The following MYOCD variants were observed in gnomAD, a reference collection of about 807,000 sequenced individuals.
MYOCD encodes myocardin.
In MYOCD, 32 loss-of-function variants were observed where a neutral mutation model predicts 96.1. The observed-to-expected ratio is 0.33, with a 90% CI of 0.25 to 0.45. MYOCD has a LOEUF of 0.45. MYOCD is among the 20% of genes least tolerant of loss of function. The pLI, the probability that MYOCD is intolerant of heterozygous loss-of-function variation, is 1.00. For missense variants in MYOCD, 1,133 were observed against 1,200.6 expected (o/e 0.94, Z 0.83); for synonymous variants, 469 against 469.0 (o/e 1.00, Z 0.00).
chr17:12,721,258 T>C (rs926321731), intron 4 of MYOCD, among the ~76,000 whole-genome samples: 2 of 152,132 alleles, frequency 1.3e-5, no homozygotes, highest in African/African-American at 2.4e-5. Flanking sequence ...CTCTGGTGCC[T>C]CCCATGGGGT....
In MYOCD at chr17:12,764,488, T is replaced by G. The variant is rs1474272106; in HGVS notation, c.*844T>G. The G allele has an allele frequency of 6.6e-6, 1 of 152,252 alleles. No homozygotes were observed. The highest frequency in any genetic ancestry group is 2.4e-5 in the African/African-American group (1 of 41,442). The allele number at this position is 152,252 out of a possible 1,614,324, so 9.4% of individuals were successfully genotyped here. On this transcript the variant is annotated 3_prime_UTR_variant, in exon 14 of 14. Coordinates refer to ENST00000425538, the MANE Select transcript of MYOCD (RefSeq NM_001146312.3). ...CACAGCCCCCTTTAGTTCCAAAGAC[T>G]AGAGATGACCACATTGGTAGAAGTA...
In MYOCD at chr17:12,758,663, G is replaced by T. The variant is rs536309957; in HGVS notation, c.2331+450G>T. ...CAGTGACCCTGGCAAAACACTGACG[G>T]GTATTGAAGCTGGATAATAAATGCA... On this transcript the variant is annotated intron_variant, in intron 12 of 13. Coordinates refer to ENST00000425538, the MANE Select transcript of MYOCD (RefSeq NM_001146312.3). Among the ~76,000 whole-genome samples, 38 of 152,294 alleles carry T rather than the reference G, an allele frequency of 2.5e-4. No homozygotes were observed. In the East Asian group the frequency reaches 5.0e-3, roughly 20 times the overall value.
intron 1 of MYOCD, among the ~76,000 whole-genome samples, chr17:12,666,473 AATCCTTTTATTTTATTT>A (rs1909381588): frequency 6.6e-6 from 1 of 152,120 alleles, no homozygotes; most frequent in African/African-American, 2.4e-5. Context: ...TGAAAAGGCC[AATCCTTTTATTTTATTT>A]TCTCTGCATC....
At chr17:12,711,887 G>T (rs1329859129) in intron 2 of MYOCD, among the ~76,000 whole-genome samples, 1 of 151,782 alleles carries the variant, frequency 6.6e-6, no homozygotes, top group African/African-American at 2.4e-5. Context: ...GATTCTGTGG[G>T]GCTGGGTTGG....
chr17:12,727,575 T>G (rs1186252348), intron 5 of MYOCD, among the ~76,000 whole-genome samples: 1 of 152,172 alleles, frequency 6.6e-6, no homozygotes, highest in East Asian at 1.9e-4. Context: ...TTTCCAGATG[T>G]GTTTACATTT....
At chr17:12,689,193 C>G (rs562467047) in intron 1 of MYOCD, among the ~76,000 whole-genome samples, 40 of 152,240 alleles carry the variant, frequency 2.6e-4, no homozygotes, top group Admixed American at 1.2e-3. Context: ...GAAACTTTTC[C>G]TACCTGCTGC....
intron 7 of MYOCD, among the ~76,000 whole-genome samples, chr17:12,740,084 C>T (rs1413878666): frequency 1.3e-5 from 2 of 152,066 alleles, no homozygotes; most frequent in African/African-American, 2.4e-5. Flanking sequence ...TACAGGCTCC[C>T]GCCACCATGC....
intron 4 of MYOCD, chr17:12,720,226 A>G (rs2031790406): frequency 6.6e-6 from 1 of 152,112 alleles, no homozygotes; most frequent in Non-Finnish European, 1.5e-5. Flanking sequence ...AAATGACACA[A>G]CTGGTCAAAC....
chr17:12,730,779 A>G (rs563471426), intron 5 of MYOCD, among the ~76,000 whole-genome samples: 1 of 152,248 alleles, frequency 6.6e-6, no homozygotes, highest in South Asian at 2.1e-4. Context: ...AATAGCTTCT[A>G]TTGCAGTGGA....
Position 12,752,401 on chromosome 17 carries a change from C to G in MYOCD, c.1126-13C>G. The G allele has an allele frequency of 1.3e-6, 2 of 1,588,554 alleles. No individual in the cohort carries two copies. Among genetic ancestry groups the G allele is most frequent in the Non-Finnish European group, 8.6e-7 (1 of 1,167,414 alleles). The stretch of plus-strand genomic sequence containing the variant: ...CGTTAAACAGCACACTAACCACATT[C>G]TGATTTCTTTAGGTCTCTGAATTAA... On this transcript the variant is annotated splice_polypyrimidine_tract_variant and intron_variant, in intron 9 of 13. Transcript: ENST00000425538.
At chr17:12,683,086 G>A (rs907800346) in intron 1 of MYOCD, among the ~76,000 whole-genome samples, 5 of 152,278 alleles carry the variant, frequency 3.3e-5, no homozygotes, top group Admixed American at 2.0e-4. Context: ...TCTTCTGGCC[G>A]TCTTCTGTGC....
intron 1 of MYOCD, among the ~76,000 whole-genome samples, chr17:12,702,734 C>A (rs1340459387): frequency 6.6e-6 from 1 of 151,738 alleles, no homozygotes; most frequent in African/African-American, 2.4e-5. Flanking sequence ...ACAATATAAT[C>A]ATTAACTGTG....
At chr17:12,712,243 C>T (rs934194950) in intron 2 of MYOCD, among the ~76,000 whole-genome samples, 5 of 152,134 alleles carry the variant, frequency 3.3e-5, no homozygotes, top group Non-Finnish European at 4.4e-5. Context: ...CACTCGTTGC[C>T]GCCCCAAGTC....
At position 12,758,422 on chromosome 17, in the gene MYOCD, G is replaced by A. The variant is rs147078317; in HGVS notation, c.2331+209G>A. ...AGGCAGGGAGAGAAGAGGGTCACCT[G>A]TCTGGCTTTGGTACCAGTTCTGCCA... On this transcript the variant is annotated intron_variant, in intron 12 of 13. Transcript: ENST00000425538. 442 of 731,070 alleles carry A rather than the reference G, an allele frequency of 6.0e-4. 3 individuals carry two copies. In the East Asian group the frequency reaches 0.011, roughly 19 times the overall value. 45.3% of individuals were successfully genotyped at this position (731,070 alleles called of 1,614,324 possible). A position where few individuals can be genotyped will look rare whatever the true frequency, so the allele number is the denominator to read the frequency against.
At chr17:12,754,513 A>T (rs2032958578) in intron 10 of MYOCD, among the ~76,000 whole-genome samples, 1 of 152,226 alleles carries the variant, frequency 6.6e-6, no homozygotes, top group Non-Finnish European at 1.5e-5. Flanking sequence ...GCAAACGAGA[A>T]ATAGCACTTG....
intron 7 of MYOCD, 75 bp from the exon 8 acceptor site, chr17:12,744,108 C>T (rs2032589377): frequency 1.9e-6 from 3 of 1,543,974 alleles, no homozygotes; most frequent in African/African-American, 1.4e-5. Flanking sequence ...AAAACTGCCT[C>T]ACAACGTGTC....
intron 5 of MYOCD, among the ~76,000 whole-genome samples, chr17:12,735,896 GA>G (rs2150703200): frequency 1.3e-5 from 2 of 152,220 alleles, no homozygotes; most frequent in East Asian, 3.9e-4. Flanking sequence ...GGTTCCCAAA[GA>G]AAACAGGAAG....
At position 12,700,025 on chromosome 17, in the gene MYOCD, C is replaced by G. The variant is rs1376221785; in HGVS notation, c.56-5103C>G. On this transcript the variant is annotated intron_variant, in intron 1 of 13. Coordinates refer to ENST00000425538, the MANE Select transcript of MYOCD (RefSeq NM_001146312.3). ...CCCAGTTCAAGCAATTCTCCTGCCT[C>G]AGCCTCCCGAGTAGCTGGGACCACA... is the stretch of plus-strand genomic sequence containing the variant. Among the ~76,000 whole-genome samples, 7 of 150,470 alleles carry G rather than the reference C, an allele frequency of 4.7e-5. No homozygotes were observed. In the East Asian group the frequency reaches 1.0e-3, roughly 21 times the overall value.
chr17:12,698,582 A>G (rs1284049783), intron 1 of MYOCD, among the ~76,000 whole-genome samples: 2 of 152,210 alleles, frequency 1.3e-5, no homozygotes, highest in Non-Finnish European at 2.9e-5. Flanking sequence ...GATTGAACGA[A>G]TGTAATGAAT....
Sources: allele counts gnomAD v4.1 joint callset (sites outside exome capture counted in the v4.1 genomes callset), GRCh38; gene constraint gnomAD v4.1.1; transcripts MANE v1.5; gene names NCBI Gene and HGNC (gene_info 2026-07-23, HGNC 2026-07-21).